Variants in ATP13A5 observed in about 807,000 individuals in gnomAD.
ATP13A5 encodes the protein ATPase 13A5.
ATP13A5 carries 149 observed loss-of-function variants against 150.2 expected under a neutral mutation model. The ratio of observed to expected loss-of-function variants is 0.99; its 90% CI spans 0.87 to 1.14. The LOEUF (loss-of-function observed/expected upper bound fraction) is 1.14. Among genes scored for constraint, ATP13A5 ranks in the 50% most tolerant of loss-of-function variants. The probability of loss-of-function intolerance (pLI) is 0.00; values close to 1 mark genes in which losing one functional copy is unlikely to be tolerated. For missense variants in ATP13A5, 1,383 were observed against 1,449.3 expected (o/e 0.95, Z 0.74); for synonymous variants, 497 against 522.2 (o/e 0.95, Z 0.66).
At chr3:193,297,845 T>A (rs1718234858) in intron 25 of ATP13A5, among the ~76,000 whole-genome samples, 1 of 152,086 alleles carries the variant, frequency 6.6e-6, no homozygotes, top group African/African-American at 2.4e-5. Flanking sequence ...TTGCTCAGTG[T>A]CATATAGTAA....
Position 193,289,851 on chromosome 3 carries a change from C to T in ATP13A5, c.3023+34G>A. ...ATGTCATTGGATATTTATTAAATTACCTTTCGAAAGCAGCACTAAGAAAAT... is the reference window on the plus strand; with the variant it reads ...ATGTCATTGGATATTTATTAAATTATCTTTCGAAAGCAGCACTAAGAAAAT... On this transcript the variant is annotated intron_variant, in intron 26 of 29. Coordinates refer to ENST00000342358, the MANE Select transcript of ATP13A5 (RefSeq NM_198505.4). 4 of 1,527,806 alleles carry T rather than the reference C, an allele frequency of 2.6e-6. No homozygotes were observed. In the African/African-American group the frequency reaches 4.2e-5, roughly 16 times the overall value. 94.6% of individuals were successfully genotyped at this position (1,527,806 alleles called of 1,614,324 possible).
chr3:193,344,406 T>A (rs565575245), intron 8 of ATP13A5, among the ~76,000 whole-genome samples: 1 of 152,294 alleles, frequency 6.6e-6, no homozygotes, highest in Non-Finnish European at 1.5e-5. Flanking sequence ...CTTTGTCTTC[T>A]TGGATTGAGG....
At chr3:193,335,654 G>T (rs1711826339) in intron 9 of ATP13A5, among the ~76,000 whole-genome samples, 1 of 152,166 alleles carries the variant, frequency 6.6e-6, no homozygotes, top group Non-Finnish European at 1.5e-5. Context: ...ATCATTTTCA[G>T]ATGGATCCCA....
rs560039305 is a variant in ATP13A5, at chr3:193,278,860, G to C, written c.3315+506C>G. ...CTCTTTTATTTCTCTCACAATACGG[G>C]GTCCAAGAATTAGTTCAATAGCCTT... On this transcript the variant is annotated intron_variant, in intron 28 of 29. Transcript: ENST00000342358. Among the ~76,000 whole-genome samples, 4 of 152,028 alleles carry C rather than the reference G, an allele frequency of 2.6e-5. No homozygotes were observed. The South Asian group carries it at 8.3e-4, about 32-fold the overall frequency.
chr3:193,351,803 G>A (rs905053461), intron 6 of ATP13A5, among the ~76,000 whole-genome samples: 25 of 152,194 alleles, frequency 1.6e-4, no homozygotes, highest in Non-Finnish European at 5.9e-5. Context: ...ATCATGAGCA[G>A]AAAGCAGAAG....
rs1213481221 is a variant in ATP13A5 at position 193,285,128 on chromosome 3, T to A, written c.3024-12A>T. On this transcript the variant is annotated splice_polypyrimidine_tract_variant and intron_variant, in intron 26 of 29. Coordinates refer to ENST00000342358, the MANE Select transcript of ATP13A5 (RefSeq NM_198505.4). ...CCAGAAAACACTCACTACAAAAGAATCACCAGTGTTTATGAAACATTTGAT... is the reference window on the plus strand; with the variant it reads ...CCAGAAAACACTCACTACAAAAGAAACACCAGTGTTTATGAAACATTTGAT... 5 of 1,604,406 alleles carry A rather than the reference T, an allele frequency of 3.1e-6. No homozygotes were observed. The highest frequency in any genetic ancestry group is 4.3e-6 in the Non-Finnish European group (5 of 1,175,008).
chr3:193,301,290 A>C lies in ATP13A5; in HGVS notation c.2696T>G (p.Leu899Arg), dbSNP rs778021933. 5.0e-6 allele frequency: 8 copies of C among 1,612,808 alleles called. No homozygotes were observed. In the African/African-American group the frequency reaches 8.0e-5, roughly 16 times the overall value. ...TTTAAATACTCCAAAGGATGAAACC[A>C]GAGCAGCTCGGCCTTCTCTGTTTAA... The part of the protein sequence containing the change: ...PHLIREGRAA[L>R]VSSFGVFKYL... Residue 899 changes from leucine to arginine, a missense_variant, in exon 24 of 30, where the codon CTG becomes CGG. This residue lies in a region of ATP13A5 where 568 missense variants were observed against 621.5 expected (regional missense o/e 0.91). Coordinates refer to ENST00000342358, the MANE Select transcript of ATP13A5 (RefSeq NM_198505.4).
intron 6 of ATP13A5, among the ~76,000 whole-genome samples, chr3:193,353,165 A>T (rs1045887592): frequency 6.6e-6 from 1 of 152,126 alleles, no homozygotes; most frequent in African/African-American, 2.4e-5. Context: ...GGCTAAGGGC[A>T]TGCATGTGAC....
At chr3:193,356,972 C>T (rs947502791) in intron 5 of ATP13A5, among the ~76,000 whole-genome samples, 1 of 152,054 alleles carries the variant, frequency 6.6e-6, no homozygotes, top group Non-Finnish European at 1.5e-5. Context: ...CACACTACCA[C>T]ACCTGGCTAA....
At position 193,274,961 on chromosome 3, in the gene ATP13A5, G is replaced by A. The variant is rs73196871; in HGVS notation, c.*81C>T. Reference sequence around the variant, plus strand: ...TGAATGGAGAGAGGAAAGGTAAGGGGAGAGTATCATCACTTCTCCACAATG... The same window carrying A: ...TGAATGGAGAGAGGAAAGGTAAGGGAAGAGTATCATCACTTCTCCACAATG... On this transcript the variant is annotated 3_prime_UTR_variant, in exon 30 of 30. Coordinates refer to ENST00000342358, the MANE Select transcript of ATP13A5 (RefSeq NM_198505.4). 0.033 allele frequency: 50,584 copies of A among 1,541,474 alleles called. 989 individuals carry two copies. Among genetic ancestry groups the A allele is most frequent in the Non-Finnish European group, 0.039 (43,771 of 1,133,102 alleles).
At chr3:193,333,485 C>T (rs956034757) in intron 11 of ATP13A5, among the ~76,000 whole-genome samples, 1 of 152,174 alleles carries the variant, frequency 6.6e-6, no homozygotes, top group African/African-American at 2.4e-5. Flanking sequence ...CATGCAGTAC[C>T]AGCTCTGTAA....
At chr3:193,284,380 A>T (rs1717630117) in intron 27 of ATP13A5, among the ~76,000 whole-genome samples, 1 of 152,060 alleles carries the variant, frequency 6.6e-6, no homozygotes, top group Non-Finnish European at 1.5e-5. Context: ...ACTCTACTTA[A>T]ATTAATACAC....
intron 9 of ATP13A5, among the ~76,000 whole-genome samples, chr3:193,339,107 T>C (rs1712013620): frequency 6.6e-6 from 1 of 152,136 alleles, no homozygotes; most frequent in Admixed American, 6.5e-5. Context: ...TTATTGCATC[T>C]ATTTTATTCT....
intron 1 of ATP13A5, among the ~76,000 whole-genome samples, chr3:193,366,919 A>T (rs1331010322): frequency 6.6e-6 from 1 of 152,126 alleles, no homozygotes; most frequent in Non-Finnish European, 1.5e-5. Flanking sequence ...AAATATTTGG[A>T]AAGTAAACAA....
In ATP13A5 at chr3:193,324,636, T is replaced by C. The variant is rs118127076; in HGVS notation, c.1674+228A>G. ...GGCAGTCAAGAAATGAGTTTAACTT[T>C]GTTTAAACAACAGTTCCCAAGTTTG... On this transcript the variant is annotated intron_variant, in intron 14 of 29. Transcript: ENST00000342358. 1.1e-4 allele frequency among the ~76,000 whole-genome samples: 16 copies of C among 152,354 alleles called. No homozygotes were observed. In the East Asian group the frequency reaches 2.9e-3, roughly 28 times the overall value.
intron 19 of ATP13A5, 181 bp downstream of exon 19, chr3:193,313,852 C>T (rs1277438478): frequency 1.1e-5 from 7 of 657,090 alleles, no homozygotes; most frequent in Non-Finnish European, 1.7e-5. Context: ...CTTAGAAACT[C>T]CCCCAGGTGA....
chr3:193,368,820 G>A (rs1230123007), intron 1 of ATP13A5, among the ~76,000 whole-genome samples: 1 of 151,948 alleles, frequency 6.6e-6, no homozygotes, highest in African/African-American at 2.4e-5. Flanking sequence ...ATGTAAATGT[G>A]ACAACTGAAA....
chr3:193,315,202 GCA>G (rs1719005223), intron 17 of ATP13A5, 106 bp from the exon 18 acceptor site: 2 of 1,107,004 alleles, frequency 1.8e-6, no homozygotes, highest in African/African-American at 1.6e-5. Flanking sequence ...TGCAATACAG[GCA>G]CATTTTAAAA....
chr3:193,308,153 A>G (rs1718690023), intron 21 of ATP13A5, among the ~76,000 whole-genome samples: 1 of 152,214 alleles, frequency 6.6e-6, no homozygotes, highest in Admixed American at 6.5e-5. Context: ...CCACTTTTAT[A>G]GGTCAAAAAC....
Sources: gnomAD v4.1 joint callset for allele counts (sites outside exome capture counted in the v4.1 genomes callset) on GRCh38, gnomAD v4.1.1 for gene constraint, gnomAD v4.1.1 regional missense constraint, MANE v1.5 for transcripts, NCBI Gene and HGNC (gene_info 2026-07-23, HGNC 2026-07-21) for gene names.